Variants in PABPC1L observed in about 807,000 individuals in gnomAD.
PABPC1L encodes the protein polyadenylate-binding protein 1-like.
A neutral mutation model predicts 66.6 loss-of-function variants in PABPC1L; 31 were observed. That is an observed-to-expected ratio of 0.47 (90% CI 0.35 to 0.63). The LOEUF (loss-of-function observed/expected upper bound fraction) is 0.63. Among genes scored for constraint, PABPC1L ranks in the 20% least tolerant of loss-of-function variants. The pLI, the probability that PABPC1L is intolerant of heterozygous loss-of-function variation, is 0.00. For synonymous variants in PABPC1L, 348 were observed against 335.1 expected (o/e 1.04, Z -0.42); for missense variants, 722 against 848.8 (o/e 0.85, Z 1.86).
intron 6 of PABPC1L, among the ~76,000 whole-genome samples, chr20:44,922,163 G>T (rs1006264659): frequency 5.9e-5 from 9 of 152,216 alleles, no homozygotes; most frequent in Non-Finnish European, 1.2e-4. Context: ...TTTGAATTAT[G>T]TGGAGTTAAT....
chr20:44,930,696 C>G lies in PABPC1L; in HGVS notation c.1209C>G (p.Pro403=). 4 of 1,613,954 alleles carry G rather than the reference C, an allele frequency of 2.5e-6. No individual in the cohort carries two copies. The highest frequency in any genetic ancestry group is 3.4e-6 in the Non-Finnish European group (4 of 1,179,978). The change falls in exon 8 of 15, where the codon CCC becomes CCG. Residue 403 remains proline (P), a synonymous_variant. Coordinates refer to ENST00000217073, the MANE Select transcript of PABPC1L (RefSeq NM_001372179.1). ...SNPLLGSFQQ[P]SSYFLPAMPQ... is the part of the protein sequence containing the mutation. ...CCCTCCTGGGCTCCTTTCAGCAGCC[C>G]TCCAGCTACTTCCTGCCTGCCATGC... is the stretch of plus-strand genomic sequence containing the variant.
At chr20:44,935,567 T>C (rs559521470) in intron 11 of PABPC1L, 70 bp downstream of exon 11, 9 of 1,306,612 alleles carry the variant, frequency 6.9e-6, no homozygotes, top group East Asian at 2.4e-5. Context: ...TTAGCTAAGG[T>C]GTTGGGCCTT....
At chr20:44,926,863 A>G (rs1047515813) in intron 7 of PABPC1L, among the ~76,000 whole-genome samples, 1 of 151,086 alleles carries the variant, frequency 6.6e-6, no homozygotes, top group Non-Finnish European at 1.5e-5. Flanking sequence ...ATGCGATTTT[A>G]TATATTTTGG....
intron 7 of PABPC1L, among the ~76,000 whole-genome samples, chr20:44,929,589 G>A (rs1162209776): frequency 6.6e-6 from 1 of 151,874 alleles, no homozygotes; most frequent in African/African-American, 2.4e-5. Context: ...GAGGTCAGGA[G>A]TTTGAGACCA....
intron 7 of PABPC1L, among the ~76,000 whole-genome samples, chr20:44,927,353 T>TA (rs2066817275): frequency 1.5e-4 from 22 of 147,342 alleles, no homozygotes; most frequent in East Asian, 5.9e-4. Flanking sequence ...ATATATATAT[T>TA]TTTTTTTTTT....
intron 7 of PABPC1L, among the ~76,000 whole-genome samples, chr20:44,928,703 C>T (rs1423663963): frequency 3.3e-5 from 5 of 151,256 alleles, no homozygotes; most frequent in Non-Finnish European, 4.4e-5. Flanking sequence ...CTCATCTTTA[C>T]AAAAAATGAA....
chr20:44,930,034 C>T (rs2066839293), intron 7 of PABPC1L, among the ~76,000 whole-genome samples: 1 of 152,116 alleles, frequency 6.6e-6, no homozygotes, highest in Non-Finnish European at 1.5e-5. Flanking sequence ...CCAGACAAGT[C>T]ACTCTTTCGA....
chr20:44,922,029 C>T (rs2066777895), intron 6 of PABPC1L, among the ~76,000 whole-genome samples: 1 of 152,156 alleles, frequency 6.6e-6, no homozygotes, highest in Non-Finnish European at 1.5e-5. Flanking sequence ...CCAGTTGCAT[C>T]CTCTAGTCTC....
chr20:44,910,090 G>C lies in PABPC1L; in HGVS notation c.-54G>C. On this transcript the variant is annotated 5_prime_UTR_variant, in exon 1 of 15. Coordinates refer to ENST00000217073, the MANE Select transcript of PABPC1L (RefSeq NM_001372179.1). ...GGGCTTCCGCCCGGGTGAGCGCGGG[G>C]CTGCTGGGTGACCCGGCTCCTGCTT... is the stretch of plus-strand genomic sequence containing the variant. 1 of 1,466,716 alleles carries C rather than the reference G, an allele frequency of 6.8e-7. No individual in the cohort carries two copies. The allele number at this position is 1,466,716 out of a possible 1,614,324, so 90.9% of individuals were successfully genotyped here.
At chr20:44,938,636 T>C (rs1432795029) in intron 13 of PABPC1L, 38 bp from the exon 14 acceptor site, 2 of 1,572,846 alleles carry the variant, frequency 1.3e-6, no homozygotes, top group Admixed American at 3.7e-5. Flanking sequence ...CCTGCTAAGA[T>C]AGCTGCACTA....
chr20:44,929,814 T>C (rs1451042700), intron 7 of PABPC1L, among the ~76,000 whole-genome samples: 3 of 150,148 alleles, frequency 2.0e-5, no homozygotes, highest in South Asian at 2.1e-4. Flanking sequence ...AAAAAAGATA[T>C]ATAGCAACCC....
chr20:44,929,724 G>C (rs1371267520), intron 7 of PABPC1L, among the ~76,000 whole-genome samples: 1 of 151,690 alleles, frequency 6.6e-6, no homozygotes, highest in African/African-American at 2.4e-5. Context: ...GAACCCGGGA[G>C]GCTGAGGTTG....
chr20:44,929,015 G>A (rs59828602), intron 7 of PABPC1L, among the ~76,000 whole-genome samples: 1,819 of 152,000 alleles, frequency 0.012, 31 homozygotes, highest in African/African-American at 0.039. Context: ...GCTCCTGCCT[G>A]TAATCCCTGC....
chr20:44,917,746 G>A (rs546001745), intron 3 of PABPC1L, among the ~76,000 whole-genome samples: 1 of 152,210 alleles, frequency 6.6e-6, no homozygotes, highest in East Asian at 1.9e-4. Flanking sequence ...GCTTTGAGCT[G>A]GGGGATGCAC....
chr20:44,932,774 G>A (rs941604063), intron 9 of PABPC1L: 19 of 491,928 alleles, frequency 3.9e-5, no homozygotes, highest in South Asian at 2.8e-4. Context: ...TGAATTGCAC[G>A]CTCACTTGAA....
intron 2 of PABPC1L, 30 bp from the exon 3 acceptor site, chr20:44,916,726 C>T: frequency 6.2e-7 from 1 of 1,604,580 alleles, no homozygotes; most frequent in Non-Finnish European, 8.5e-7. Context: ...TCTGTCAGTA[C>T]TCTTCCTGTC....
intron 7 of PABPC1L, among the ~76,000 whole-genome samples, chr20:44,929,954 G>A (rs73296566): frequency 0.012 from 1,830 of 152,260 alleles, 31 homozygotes; most frequent in African/African-American, 0.039. Context: ...TAGCAGAGGC[G>A]ATAGAAGCTT....
At position 44,939,118 on chromosome 20, in the gene PABPC1L, G is replaced by A. The variant is rs2145587508; in HGVS notation, c.*7-8G>A. The stretch of plus-strand genomic sequence containing the variant: ...TAAAAACACTTATTTTTACCTTTTT[G>A]TCCTCAGAAAAGGAAATCCTCGCTT... On this transcript the variant is annotated splice_region_variant and splice_polypyrimidine_tract_variant and intron_variant, in intron 14 of 14. Transcript: ENST00000217073. The A allele has an allele frequency of 1.4e-6, 1 of 717,700 alleles. No homozygotes were observed. Among genetic ancestry groups the A allele is most frequent in the South Asian group, 1.5e-5 (1 of 67,606 alleles). 44.5% of individuals were successfully genotyped at this position (717,700 alleles called of 1,614,324 possible).
At chr20:44,935,058 ACT>A (rs1253512676) in intron 10 of PABPC1L, among the ~76,000 whole-genome samples, 2 of 149,274 alleles carry the variant, frequency 1.3e-5, no homozygotes, top group Non-Finnish European at 3.0e-5. Flanking sequence ...ACAGAGCAAG[ACT>A]CTGTCTCAGG....
Sources: allele counts gnomAD v4.1 joint callset (sites outside exome capture counted in the v4.1 genomes callset), GRCh38; gene constraint gnomAD v4.1.1; transcripts MANE v1.5; gene names NCBI Gene and HGNC (gene_info 2026-07-23, HGNC 2026-07-21).